MEGF10: variants seen among roughly 807,000 people sequenced by gnomAD.
The protein encoded by MEGF10 is multiple EGF like domains 10, also known as multiple epidermal growth factor-like domains protein 10.
In MEGF10, 86 loss-of-function variants were observed where a neutral mutation model predicts 147.5. That is an observed-to-expected ratio of 0.58 (90% CI 0.49 to 0.70). The LOEUF (loss-of-function observed/expected upper bound fraction) is 0.70, where lower values mean the gene tolerates loss of function less well. MEGF10 is among the 30% of genes least tolerant of loss of function. The probability of loss-of-function intolerance (pLI) is 0.00; values close to 1 mark genes in which losing one functional copy is unlikely to be tolerated. For missense variants in MEGF10, 1,329 were observed against 1,487.3 expected (o/e 0.89, Z 1.75); for synonymous variants, 478 against 525.5 (o/e 0.91, Z 1.24).
At chr5:127,419,351 G>A (rs954117700) in intron 11 of MEGF10, 111 bp downstream of exon 11, 38 of 1,315,180 alleles carry the variant, frequency 2.9e-5, no homozygotes, top group Non-Finnish European at 5.2e-6. Flanking sequence ...CCAAAATTCA[G>A]TGTCTGACCT....
rs546187376 is a variant in MEGF10 at position 127,293,304 on chromosome 5, G to A, written c.-19+2248G>A. Among the ~76,000 whole-genome samples, 26 of 152,324 alleles carry A rather than the reference G, an allele frequency of 1.7e-4. 1 individual carries two copies. The South Asian group carries it at 5.4e-3, about 32-fold the overall frequency. Reference sequence around the variant, plus strand: ...GTGAGTAACAACATCGATAATTAATGAAAAGGGAAAAGCGTTTATCTCTGT... The same window carrying A: ...GTGAGTAACAACATCGATAATTAATAAAAAGGGAAAAGCGTTTATCTCTGT... On this transcript the variant is annotated intron_variant, in intron 1 of 24. Coordinates refer to ENST00000503335, the MANE Select transcript of MEGF10 (RefSeq NM_001256545.2).
At position 127,445,513 on chromosome 5, in the gene MEGF10, C is replaced by T. The variant is rs753630806; in HGVS notation, c.2548C>T (p.Pro850Ser). 1 of 1,614,106 alleles carries T rather than the reference C, an allele frequency of 6.2e-7. No homozygotes were observed. Among genetic ancestry groups the T allele is most frequent in the Non-Finnish European group, 8.5e-7 (1 of 1,180,018 alleles). ...CTTAAGCCGAACCAGTACTGCTCTC[C>T]CTGCTGATTCCTACCAGATCGGGGC... is the stretch of plus-strand genomic sequence containing the variant. ...NSLSRTSTAL[P>S]ADSYQIGAIA... The change falls in exon 20 of 25, where the codon CCT (proline) becomes TCT (serine). Residue 850 changes from proline (P) to serine (S), a missense_variant. This residue lies in a region of MEGF10 where 343 missense variants were observed against 377.9 expected (regional missense o/e 0.91). Transcript: ENST00000503335.
chr5:127,378,769 A>C (rs1314444023), intron 5 of MEGF10, among the ~76,000 whole-genome samples: 1 of 152,156 alleles, frequency 6.6e-6, no homozygotes, highest in Non-Finnish European at 1.5e-5. Flanking sequence ...ACCCTGCTTT[A>C]AATGGAGGCT....
intron 12 of MEGF10, among the ~76,000 whole-genome samples, chr5:127,422,233 C>G (rs1765038407): frequency 6.6e-6 from 1 of 152,024 alleles, no homozygotes; most frequent in Non-Finnish European, 1.5e-5. Context: ...TAAGATGCAT[C>G]CCTCTGGCTG....
upstream of MEGF10, among the ~76,000 whole-genome samples, chr5:127,290,427 A>C (rs1759192250): frequency 6.6e-6 from 1 of 152,170 alleles, no homozygotes; most frequent in African/African-American, 2.4e-5. Flanking sequence ...CAGAGGGTCT[A>C]GAACACCTCC....
the MEGF10 span, among the ~76,000 whole-genome samples, chr5:127,262,759 CT>C: frequency 1.1e-4 from 16 of 152,298 alleles, 1 homozygote; most frequent in African/African-American, 3.8e-4. Context: ...TGTCCTATAT[CT>C]TTCCAGATAT....
At chr5:127,444,821 T>C (rs1036852119) in intron 19 of MEGF10, 1 of 152,676 alleles carries the variant, frequency 6.5e-6, no homozygotes, top group Non-Finnish European at 1.5e-5. Context: ...AAAAGGTAGA[T>C]CCTGTTCTTA....
chr5:127,446,957 C>G lies in MEGF10; in HGVS notation c.2729-600C>G, dbSNP rs139106557. Among the ~76,000 whole-genome samples, 395 of 152,210 alleles carry G rather than the reference C, an allele frequency of 2.6e-3. 6 individuals carry two copies. Among genetic ancestry groups the G allele is most frequent in the African/African-American group, 9.0e-3 (374 of 41,538 alleles). ...TTAGTCAGCAAAGGCCTGCTTGACTCGATTTTAAATTTAGGCCTAGGCAGC... is the reference window on the plus strand; with the variant it reads ...TTAGTCAGCAAAGGCCTGCTTGACTGGATTTTAAATTTAGGCCTAGGCAGC... On this transcript the variant is annotated intron_variant, in intron 20 of 24. Coordinates refer to ENST00000503335, the MANE Select transcript of MEGF10 (RefSeq NM_001256545.2).
chr5:127,452,785 C>T (rs1336127684), intron 22 of MEGF10, among the ~76,000 whole-genome samples: 3 of 152,176 alleles, frequency 2.0e-5, no homozygotes, highest in Non-Finnish European at 4.4e-5. Context: ...GATCACCTCC[C>T]AGGAGCTGAG....
chr5:127,338,345 A>G lies in MEGF10; in HGVS notation c.117-775A>G, dbSNP rs77298603. On this transcript the variant is annotated intron_variant, in intron 2 of 24. Coordinates refer to ENST00000503335, the MANE Select transcript of MEGF10 (RefSeq NM_001256545.2). Reference sequence around the variant, plus strand: ...TCTTTAGCATGTAATAGACTGTTTAAAATGAAGAAGTCTGGAATTCAACAG... The same window carrying G: ...TCTTTAGCATGTAATAGACTGTTTAGAATGAAGAAGTCTGGAATTCAACAG... 2.4e-3 allele frequency among the ~76,000 whole-genome samples: 362 copies of G among 152,272 alleles called. 1 individual carries two copies. The highest frequency in any genetic ancestry group is 8.2e-3 in the African/African-American group (339 of 41,574).
intron 1 of MEGF10, among the ~76,000 whole-genome samples, chr5:127,327,291 A>T (rs1244443509): frequency 6.6e-6 from 1 of 152,052 alleles, no homozygotes; most frequent in African/African-American, 2.4e-5. Flanking sequence ...ATGACTCTTT[A>T]TTTTTTTACA....
chr5:127,419,933 T>C, intron 11 of MEGF10, 111 bp from the exon 12 acceptor site: 1 of 1,262,978 alleles, frequency 7.9e-7, no homozygotes, highest in Non-Finnish European at 1.1e-6. Context: ...CTGCTGTGGC[T>C]GGGGCTTGCA....
At chr5:127,441,249 C>T (rs75115343) in intron 18 of MEGF10, among the ~76,000 whole-genome samples, 10 of 152,206 alleles carry the variant, frequency 6.6e-5, no homozygotes, top group Non-Finnish European at 8.8e-5. Flanking sequence ...ACAGTACATT[C>T]GGTGGGGAGG....
chr5:127,369,989 C>CGTATCATTAAA lies in MEGF10; in HGVS notation c.399_400insGTATCATTAAA (p.Asn134ValfsTer206). ...AGTGTGAGCCTGGCTGGGGAGGGAC[C>CGTATCATTAAA]AACTGCTCCAGTGGTAAGTTTCCAC... On this transcript the variant is annotated frameshift_variant, in exon 5 of 25. Coordinates refer to ENST00000503335, the MANE Select transcript of MEGF10 (RefSeq NM_001256545.2). LOFTEE classifies it high-confidence loss of function. 1 of 1,612,978 alleles carries CGTATCATTAAA rather than the reference C, an allele frequency of 6.2e-7. No individual in the cohort carries two copies. Among genetic ancestry groups the CGTATCATTAAA allele is most frequent in the East Asian group, 2.2e-5 (1 of 44,850 alleles).
intron 20 of MEGF10, among the ~76,000 whole-genome samples, chr5:127,446,810 G>A (rs77196328): frequency 0.014 from 2,098 of 152,296 alleles, 29 homozygotes; most frequent in East Asian, 0.049. Flanking sequence ...CTGATCCTTT[G>A]ATAAAGCTAA....
chr5:127,238,492 A>G, the MEGF10 span, among the ~76,000 whole-genome samples: 3 of 152,202 alleles, frequency 2.0e-5, no homozygotes, highest in South Asian at 4.1e-4. Flanking sequence ...CAGGCACTGC[A>G]CATGTAGCAA....
At chr5:127,420,018 C>A in intron 11 of MEGF10, 26 bp from the exon 12 acceptor site, 1 of 1,610,990 alleles carries the variant, frequency 6.2e-7, no homozygotes, top group Non-Finnish European at 8.5e-7. Flanking sequence ...TGTTCGCTCA[C>A]GTGCTCTGGC....
intron 2 of MEGF10, among the ~76,000 whole-genome samples, chr5:127,334,270 C>T (rs886868022): frequency 1.3e-5 from 2 of 152,060 alleles, no homozygotes; most frequent in African/African-American, 4.8e-5. Context: ...ACCACCTGTA[C>T]CCAATGGCTC....
chr5:127,362,939 T>C (rs1007704777), intron 4 of MEGF10, among the ~76,000 whole-genome samples: 4 of 152,238 alleles, frequency 2.6e-5, no homozygotes, highest in Admixed American at 2.0e-4. Context: ...GTTAGTTGTA[T>C]TGTTTTTGTG....
Sources: gnomAD v4.1 joint callset for allele counts (sites outside exome capture counted in the v4.1 genomes callset) on GRCh38, gnomAD v4.1.1 for gene constraint, gnomAD v4.1.1 regional missense constraint, MANE v1.5 for transcripts, NCBI Gene and HGNC (gene_info 2026-07-23, HGNC 2026-07-21) for gene names.